PGD: variants seen among roughly 807,000 people sequenced by gnomAD.
PGD encodes the protein phosphogluconate dehydrogenase.
PGD carries 21 observed loss-of-function variants against 60.4 expected under a neutral mutation model. That is an observed-to-expected ratio of 0.35 (90% CI 0.25 to 0.50). The LOEUF (loss-of-function observed/expected upper bound fraction) is 0.50. PGD is among the 20% of genes least tolerant of loss of function. The pLI is 0.98. For synonymous variants in PGD, 230 were observed against 235.9 expected, an observed-to-expected ratio of 0.97 and a Z score of 0.23; for missense variants, 477 against 613.1, an observed-to-expected ratio of 0.78 and a Z score of 2.34.
chr1:10,413,387 G>A (rs1232650805), intron 8 of PGD, 136 bp downstream of exon 8: 27 of 696,524 alleles, frequency 3.9e-5, no homozygotes, highest in Middle Eastern at 2.7e-4. Context: ...TCTTTCTTGC[G>A]TTGAAGAAAC....
At chr1:10,402,103 T>C (rs1381170913) in intron 3 of PGD, among the ~76,000 whole-genome samples, 1 of 152,154 alleles carries the variant, frequency 6.6e-6, no homozygotes, top group African/African-American at 2.4e-5. Context: ...TAGATATTCA[T>C]GTTCAAGGCT....
intron 6 of PGD, among the ~76,000 whole-genome samples, chr1:10,410,040 G>A (rs1639474499): frequency 6.6e-6 from 1 of 152,138 alleles, no homozygotes; most frequent in African/African-American, 2.4e-5. Context: ...TGATCAAGCA[G>A]GCCCTCCTTA....
Position 10,420,108 on chromosome 1 carries a change from C to T in PGD, c.*359C>T, listed in dbSNP as rs1402949195. On this transcript the variant is annotated 3_prime_UTR_variant, in exon 13 of 13. Transcript: ENST00000270776. ...CCTCTGTATCATGCGGCTGAATTCC[C>T]TTTTTCCTTTACTCAATAAAAGCTA... 1 of 194,908 alleles carries T rather than the reference C, an allele frequency of 5.1e-6. No homozygotes were observed. Among genetic ancestry groups the T allele is most frequent in the Non-Finnish European group, 1.1e-5 (1 of 93,516 alleles). 12.1% of individuals were successfully genotyped at this position (194,908 alleles called of 1,614,324 possible). A position where few individuals can be genotyped will look rare whatever the true frequency, so the allele number is the denominator to read the frequency against.
At chr1:10,404,344 C>T in intron 5 of PGD, 65 bp downstream of exon 5, 2 of 1,025,302 alleles carry the variant, frequency 2.0e-6, no homozygotes, top group Non-Finnish European at 2.9e-6. Flanking sequence ...ACGAATAAGC[C>T]AGGAGCAGTT....
At chr1:10,400,308 G>C (rs1374435963) in intron 2 of PGD, 85 bp from the exon 3 acceptor site, 10 of 1,034,030 alleles carry the variant, frequency 9.7e-6, no homozygotes, top group African/African-American at 1.6e-5. Flanking sequence ...AACTTGGGTT[G>C]AATGGAAAGG....
At chr1:10,419,163 A>G (rs1345508130) in intron 11 of PGD, among the ~76,000 whole-genome samples, 3 of 146,908 alleles carry the variant, frequency 2.0e-5, no homozygotes, top group East Asian at 4.0e-4. Flanking sequence ...GTGTGCCAAC[A>G]TACCTGGCTA....
intron 3 of PGD, 42 bp from the exon 4 acceptor site, chr1:10,403,029 G>A: frequency 8.0e-7 from 1 of 1,248,798 alleles, no homozygotes. Context: ...GCCAAGGTAT[G>A]TTTCATTTTT....
intron 5 of PGD, among the ~76,000 whole-genome samples, chr1:10,406,249 T>G (rs1395161013): frequency 6.6e-6 from 1 of 152,166 alleles, no homozygotes; most frequent in Non-Finnish European, 1.5e-5. Context: ...GCCTTTCTGC[T>G]TCTCAGAAGT....
rs1046542514 is a variant in PGD at position 10,419,853 on chromosome 1, TAA to T, written c.*107_*108del. ...TTGCCCTATTTTCTGTTCAGTTTTT[TAA>T]AAGTGTTGTAAGAGACTCCTGAGGA... On this transcript the variant is annotated 3_prime_UTR_variant, in exon 13 of 13. Transcript: ENST00000270776. 45 of 1,396,960 alleles carry T rather than the reference TAA, an allele frequency of 3.2e-5. No individual in the cohort carries two copies. In the African/African-American group the frequency reaches 6.0e-4, roughly 19 times the overall value. 86.5% of individuals were successfully genotyped at this position (1,396,960 alleles called of 1,614,324 possible).
chr1:10,416,415 C>T (rs576856332), intron 8 of PGD, among the ~76,000 whole-genome samples: 1 of 152,182 alleles, frequency 6.6e-6, no homozygotes, highest in Non-Finnish European at 1.5e-5. Flanking sequence ...AAGTTCCTTC[C>T]GATCCATGTC....
chr1:10,399,070 C>G lies in PGD; in HGVS notation c.-48C>G, dbSNP rs776654095. ...GGAGCCGCTGCGGGTCTTTCCCTCA[C>G]TCGTCCTCCGCGCGTCGCCGCTCTT... is the stretch of plus-strand genomic sequence containing the variant. On this transcript the variant is annotated 5_prime_UTR_variant, in exon 1 of 13. Transcript: ENST00000270776. 6.8e-6 allele frequency: 11 copies of G among 1,608,428 alleles called. No individual in the cohort carries two copies. Among genetic ancestry groups the G allele is most frequent in the Non-Finnish European group, 8.5e-6 (10 of 1,179,476 alleles).
At chr1:10,415,049 C>T (rs1288359540) in intron 8 of PGD, among the ~76,000 whole-genome samples, 1 of 151,512 alleles carries the variant, frequency 6.6e-6, no homozygotes, top group Non-Finnish European at 1.5e-5. Context: ...TGAGATCGCA[C>T]CACTGCACTC....
At chr1:10,400,079 G>T (rs113753923) in intron 2 of PGD, 1 of 464,426 alleles carries the variant, frequency 2.2e-6, no homozygotes, top group Non-Finnish European at 3.9e-6. Flanking sequence ...TAGACGCCAG[G>T]ATGATCAATA....
intron 10 of PGD, among the ~76,000 whole-genome samples, chr1:10,418,442 T>A (rs1490163350): frequency 1.3e-5 from 2 of 152,056 alleles, no homozygotes; most frequent in Non-Finnish European, 2.9e-5. Flanking sequence ...TTCACTAGGG[T>A]ATACATCGGC....
intron 5 of PGD, among the ~76,000 whole-genome samples, chr1:10,406,887 A>AGAG (rs1162004348): frequency 6.6e-6 from 1 of 152,264 alleles, no homozygotes; most frequent in African/African-American, 2.4e-5. Context: ...GACAAATGAA[A>AGAG]GAGGGTCTCT....
chr1:10,417,175 G>T, intron 9 of PGD, 58 bp downstream of exon 9: 1 of 1,599,274 alleles, frequency 6.3e-7, no homozygotes, highest in South Asian at 1.1e-5. Flanking sequence ...AGTGGGGGTG[G>T]GGGTTGTGGT....
chr1:10,407,958 AAAAAAG>A, intron 5 of PGD, 107 bp from the exon 6 acceptor site: 5 of 727,574 alleles, frequency 6.9e-6, no homozygotes, highest in East Asian at 2.5e-5. Flanking sequence ...CAAAAAAAAA[AAAAAAG>A]AAAGGAAAAG....
chr1:10,407,995 G>T, intron 5 of PGD, 76 bp from the exon 6 acceptor site: 2 of 837,560 alleles, frequency 2.4e-6, no homozygotes, highest in Non-Finnish European at 4.2e-6. Context: ...GTGTCTATGG[G>T]TATGTTGGTG....
chr1:10,415,752 C>G (rs1322228688), intron 8 of PGD, among the ~76,000 whole-genome samples: 1 of 152,102 alleles, frequency 6.6e-6, no homozygotes, highest in Non-Finnish European at 1.5e-5. Flanking sequence ...TTCATTTTGT[C>G]TATGGGGGAA....
Sources: allele counts gnomAD v4.1 joint callset (sites outside exome capture counted in the v4.1 genomes callset), GRCh38; gene constraint gnomAD v4.1.1; transcripts MANE v1.5; gene names NCBI Gene and HGNC (gene_info 2026-07-23, HGNC 2026-07-21).